The following GABRG3 variants were observed in gnomAD, a reference collection of about 807,000 sequenced individuals.
The protein encoded by GABRG3 is gamma-aminobutyric acid receptor subunit gamma-3.
A neutral mutation model predicts 48.8 loss-of-function variants in GABRG3; 25 were observed. The ratio of observed to expected loss-of-function variants is 0.51; its 90% CI spans 0.37 to 0.72. The LOEUF is 0.72. Ranked by LOEUF, GABRG3 falls within the 30% of genes least tolerant of loss-of-function variation. GABRG3 has a pLI of 0.00. For missense variants in GABRG3, 394 were observed against 577.9 expected (o/e 0.68, Z 3.26); for synonymous variants, 227 against 217.6 (o/e 1.04, Z -0.38).
chr15:27,339,478 C>G (rs1294225702), intron 5 of GABRG3, among the ~76,000 whole-genome samples: 4 of 152,204 alleles, frequency 2.6e-5, no homozygotes, highest in African/African-American at 9.6e-5. Context: ...TATGCTCCAC[C>G]CCTTGCCTTC....
At chr15:27,449,525 T>A (rs1246240107) in intron 5 of GABRG3, among the ~76,000 whole-genome samples, 1 of 152,264 alleles carries the variant, frequency 6.6e-6, no homozygotes, top group Non-Finnish European at 1.5e-5. Flanking sequence ...CATTTTGTGA[T>A]GGTAGTTAAG....
At chr15:27,394,155 ATT>A (rs1452742933) in intron 5 of GABRG3, among the ~76,000 whole-genome samples, 5 of 152,102 alleles carry the variant, frequency 3.3e-5, no homozygotes, top group Admixed American at 6.5e-5. Context: ...GTCTTAGGTC[ATT>A]TTTGTTCCTC....
At chr15:27,456,081 T>C (rs928545288) in intron 5 of GABRG3, among the ~76,000 whole-genome samples, 5 of 152,152 alleles carry the variant, frequency 3.3e-5, no homozygotes, top group Non-Finnish European at 7.4e-5. Context: ...TGGGTGACTA[T>C]GGTCCCGCAC....
Position 27,527,645 on chromosome 15 carries a change from A to T in GABRG3, c.1062+16A>T. 6 of 1,591,012 alleles carry T rather than the reference A, an allele frequency of 3.8e-6. No homozygotes were observed. The highest frequency in any genetic ancestry group is 5.1e-6 in the Non-Finnish European group (6 of 1,167,520). On this transcript the variant is annotated intron_variant, in intron 8 of 9. Coordinates refer to ENST00000615808, the MANE Select transcript of GABRG3 (RefSeq NM_033223.5). The stretch of plus-strand genomic sequence containing the variant: ...GACAACATCGGTGAGCTGCAGTAGC[A>T]AAGGTTCTCCGGGAGGTAATGGGGG...
In GABRG3 at chr15:27,353,452, A is replaced by AT. The variant is rs1444113274; in HGVS notation, c.574+24567dup. The stretch of plus-strand genomic sequence containing the variant: ...TATTTATTTATTTATTTATTTATTT[A>AT]TTTATTTTTGAGATGGAGTTTCGCT... On this transcript the variant is annotated intron_variant, in intron 5 of 9. Coordinates refer to ENST00000615808, the MANE Select transcript of GABRG3 (RefSeq NM_033223.5). Among the ~76,000 whole-genome samples, 4 of 151,024 alleles carry AT rather than the reference A, an allele frequency of 2.6e-5. No individual in the cohort carries two copies. The East Asian group carries it at 7.8e-4, about 29-fold the overall frequency.
intron 3 of GABRG3, among the ~76,000 whole-genome samples, chr15:27,184,724 T>C (rs891544079): frequency 6.6e-6 from 1 of 152,218 alleles, no homozygotes; most frequent in Non-Finnish European, 1.5e-5. Context: ...TTAATGGTTA[T>C]GGGACCATAC....
At chr15:26,983,973 G>A (rs1046928882) in intron 2 of GABRG3, among the ~76,000 whole-genome samples, 6 of 151,942 alleles carry the variant, frequency 3.9e-5, no homozygotes, top group Non-Finnish European at 5.9e-5. Flanking sequence ...TCCCCCGTCT[G>A]TGCTGAGCTC....
chr15:27,126,504 T>TGGCTGC (rs1418457233), intron 3 of GABRG3, among the ~76,000 whole-genome samples: 2 of 152,158 alleles, frequency 1.3e-5, no homozygotes, highest in Non-Finnish European at 2.9e-5. Flanking sequence ...GCTGTGGCTG[T>TGGCTGC]GGCTGCACTG....
chr15:27,352,313 C>T lies in GABRG3; in HGVS notation c.574+23425C>T, dbSNP rs1332856965. 1.3e-5 allele frequency among the ~76,000 whole-genome samples: 2 copies of T among 151,780 alleles called. No homozygotes were observed. The highest frequency in any genetic ancestry group is 4.8e-5 in the African/African-American group (2 of 41,248). On this transcript the variant is annotated intron_variant, in intron 5 of 9. Coordinates refer to ENST00000615808, the MANE Select transcript of GABRG3 (RefSeq NM_033223.5). The surrounding 1 kb of genome is among the most constrained non-coding windows in gnomAD (Gnocchi z 4.0). ...AGACCCATAGTGAGAGGAAGAGGACCCAGGGAGAGCACGATTATCCCCCGC... is the reference window on the plus strand; with the variant it reads ...AGACCCATAGTGAGAGGAAGAGGACTCAGGGAGAGCACGATTATCCCCCGC...
At chr15:27,258,571 AG>A (rs2140464864) in intron 3 of GABRG3, among the ~76,000 whole-genome samples, 1 of 152,260 alleles carries the variant, frequency 6.6e-6, no homozygotes, top group South Asian at 2.1e-4. Context: ...CCAAAGCAAA[AG>A]AAGACTCTTT....
chr15:27,174,583 C>T lies in GABRG3; in HGVS notation c.270+147762C>T, dbSNP rs1008110993. ...TGGACCAGTGACTGCCTCTCTCTCT[C>T]GTCTCTCTCTCTCTCTCTCTCTCTC... is the stretch of plus-strand genomic sequence containing the variant. On this transcript the variant is annotated intron_variant, in intron 3 of 9. Coordinates refer to ENST00000615808, the MANE Select transcript of GABRG3 (RefSeq NM_033223.5). 8.5e-4 allele frequency among the ~76,000 whole-genome samples: 104 copies of T among 121,924 alleles called. 1 individual carries two copies. Among genetic ancestry groups the T allele is most frequent in the African/African-American group, 4.2e-3 (100 of 23,654 alleles). 80.0% of individuals were successfully genotyped at this position (121,924 alleles called of 152,430 possible). A position where few individuals can be genotyped will look rare whatever the true frequency, so the allele number is the denominator to read the frequency against.
At chr15:27,379,817 G>A (rs1408188214) in intron 5 of GABRG3, among the ~76,000 whole-genome samples, 1 of 152,076 alleles carries the variant, frequency 6.6e-6, no homozygotes, top group African/African-American at 2.4e-5. Flanking sequence ...AGTGAAGGTG[G>A]TTTTCCCTCT....
chr15:27,183,905 T>C (rs1888011849), intron 3 of GABRG3, among the ~76,000 whole-genome samples: 1 of 152,170 alleles, frequency 6.6e-6, no homozygotes, highest in African/African-American at 2.4e-5. Flanking sequence ...CACCTCACAT[T>C]TATTCATCAC....
At chr15:27,390,588 A>C (rs908295341) in intron 5 of GABRG3, among the ~76,000 whole-genome samples, 1 of 152,176 alleles carries the variant, frequency 6.6e-6, no homozygotes, top group Non-Finnish European at 1.5e-5. Context: ...TGGGGTGCAC[A>C]TTGTCTGCCC....
At chr15:27,346,111 AAG>A (rs1231679325) in intron 5 of GABRG3, among the ~76,000 whole-genome samples, 3 of 149,682 alleles carry the variant, frequency 2.0e-5, no homozygotes, top group African/African-American at 7.4e-5. Context: ...AAGAAAGAGA[AAG>A]GAAAGAAAGA....
chr15:27,069,789 G>A lies in GABRG3; in HGVS notation c.270+42968G>A, dbSNP rs373826953. Among the ~76,000 whole-genome samples the A allele has an allele frequency of 2.6e-5, 4 of 152,314 alleles. No homozygotes were observed. The South Asian group carries it at 8.3e-4, about 32-fold the overall frequency. On this transcript the variant is annotated intron_variant, in intron 3 of 9. Transcript: ENST00000615808. ...AATATTCAGCTCATCTGTTTTCAGA[G>A]TATAAATACCCATGTTGAAACACAT...
chr15:27,385,833 T>A (rs1242450398), intron 5 of GABRG3, among the ~76,000 whole-genome samples: 1 of 152,224 alleles, frequency 6.6e-6, no homozygotes, highest in East Asian at 1.9e-4. Flanking sequence ...ATTTATAATA[T>A]CTTCTTTGTA....
intron 3 of GABRG3, among the ~76,000 whole-genome samples, chr15:27,048,456 G>A (rs1038799400): frequency 2.6e-5 from 4 of 152,160 alleles, no homozygotes; most frequent in Non-Finnish European, 5.9e-5. Context: ...CAGCAGAGGA[G>A]CCCAAAGCCC....
At chr15:26,982,179 T>C (rs1895068278) in intron 2 of GABRG3, among the ~76,000 whole-genome samples, 1 of 152,224 alleles carries the variant, frequency 6.6e-6, no homozygotes, top group African/African-American at 2.4e-5. Context: ...TGTGCAGCAA[T>C]TCTGCATTTA....
Sources: allele counts gnomAD v4.1 joint callset (sites outside exome capture counted in the v4.1 genomes callset), GRCh38; gene constraint gnomAD v4.1.1; non-coding constraint Gnocchi (gnomAD v3.1); transcripts MANE v1.5; gene names NCBI Gene and HGNC (gene_info 2026-07-23, HGNC 2026-07-21).